The following USP25 variants were observed in gnomAD, a reference collection of about 807,000 sequenced individuals.
USP25 encodes the protein ubiquitin specific peptidase 25, also known as ubiquitin carboxyl-terminal hydrolase 25.
Under a neutral mutation model 158.5 loss-of-function variants are expected in USP25, and 85 were observed. The observed-to-expected ratio is 0.54, with a 90% confidence interval of 0.45 to 0.64. The LOEUF (loss-of-function observed/expected upper bound fraction) is 0.64. USP25 is among the 30% of genes least tolerant of loss of function. The pLI is 0.00. For synonymous variants in USP25, 464 were observed against 460.4 expected (o/e 1.01, Z -0.10); for missense variants, 1,242 against 1,327.3 (o/e 0.94, Z 1.00).
At chr21:15,809,387 A>G (rs926416885) in intron 8 of USP25, among the ~76,000 whole-genome samples, 2 of 152,120 alleles carry the variant, frequency 1.3e-5, no homozygotes, top group African/African-American at 4.8e-5. Flanking sequence ...TTTGTTGGGC[A>G]GAGCTATGTG....
At position 15,826,960 on chromosome 21, in the gene USP25, T is replaced by C. The variant is rs1245839373; in HGVS notation, c.1467-17T>C. 3 of 1,611,026 alleles carry C rather than the reference T, an allele frequency of 1.9e-6. No homozygotes were observed. In the South Asian group the frequency reaches 3.3e-5, roughly 18 times the overall value. ...AGCTTGAAAGGTTAATAAGAAATAC[T>C]CTATGCTTTGATACAGCACAACAGA... On this transcript the variant is annotated splice_polypyrimidine_tract_variant and intron_variant, in intron 13 of 25. Coordinates refer to ENST00000400183, the MANE Select transcript of USP25 (RefSeq NM_001283041.3). The surrounding 1 kb of genome is among the most constrained non-coding windows in gnomAD (Gnocchi z 4.8).
intron 1 of USP25, among the ~76,000 whole-genome samples, chr21:15,747,070 A>C (rs559787876): frequency 5.9e-5 from 9 of 152,244 alleles, no homozygotes; most frequent in African/African-American, 2.2e-4. Context: ...TTATATATTT[A>C]TGGTCCACTG....
At chr21:15,745,641 A>C (rs545973233) in intron 1 of USP25, among the ~76,000 whole-genome samples, 18 of 151,806 alleles carry the variant, frequency 1.2e-4, no homozygotes, top group Non-Finnish European at 2.4e-4. Context: ...ACGCTCAGCT[A>C]ATTTTTGTAT....
rs751158522 is a variant in USP25 at position 15,811,116 on chromosome 21, A to G, written c.858-21A>G. ...AGGTCCGAAAATTGTAATCACATTT[A>G]TATTTTTTAACATACTTTAGGGATG... On this transcript the variant is annotated intron_variant, in intron 8 of 25. Coordinates refer to ENST00000400183, the MANE Select transcript of USP25 (RefSeq NM_001283041.3). 3.8e-6 allele frequency: 6 copies of G among 1,593,560 alleles called. No individual in the cohort carries two copies. The South Asian group carries it at 5.7e-5, about 15-fold the overall frequency.
chr21:15,784,520 C>T (rs1202338182), intron 4 of USP25, among the ~76,000 whole-genome samples: 4 of 151,534 alleles, frequency 2.6e-5, no homozygotes, highest in African/African-American at 4.9e-5. Flanking sequence ...TGTGGTGAGC[C>T]GAGATCACGC....
At chr21:15,786,614 TGTACCTCAACACG>T (rs992944244) in intron 4 of USP25, among the ~76,000 whole-genome samples, 52 of 152,228 alleles carry the variant, frequency 3.4e-4, no homozygotes, top group African/African-American at 1.2e-3. Context: ...ATAGAAAGTA[TGTACCTCAACACG>T]GTAAAGACCA....
At chr21:15,864,551 C>T (rs1362031059) in intron 21 of USP25, 105 bp downstream of exon 21, 7 of 1,027,002 alleles carry the variant, frequency 6.8e-6, no homozygotes, top group Non-Finnish European at 8.1e-6. Context: ...TGCATGGGCA[C>T]ATATTTTAAT....
rs752333568 is a variant in USP25, at chr21:15,874,500, T to C, written c.2983T>C (p.Ser995Pro). ...LYRGHDEELI[S>P]HYRRECLLKL... ...CAGAGGACATGATGAAGAATTGATA[T>C]CACATTATAGAAGAGAATGTTTGCT... Residue 995 changes from serine (S) to proline (P), a missense_variant, in exon 24 of 26, where the codon TCA becomes CCA. Physicochemically the swap from Ser to Pro is moderately conservative, Grantham distance 74. This residue lies in a region of USP25 where 608 missense variants were observed against 605.2 expected (regional missense o/e 1.00). Coordinates refer to ENST00000400183, the MANE Select transcript of USP25 (RefSeq NM_001283041.3). 18 of 1,607,718 alleles carry C rather than the reference T, an allele frequency of 1.1e-5. No individual in the cohort carries two copies. The highest frequency in any genetic ancestry group is 1.7e-5 in the Admixed American group (1 of 58,088).
intron 14 of USP25, among the ~76,000 whole-genome samples, chr21:15,829,192 T>G (rs529919703): frequency 2.6e-5 from 4 of 152,294 alleles, no homozygotes; most frequent in Admixed American, 2.6e-4. Flanking sequence ...CAGGGGTACA[T>G]GTGCAGGTTT....
chr21:15,824,826 G>A (rs934307335), intron 11 of USP25, 140 bp from the exon 12 acceptor site: 1 of 626,780 alleles, frequency 1.6e-6, no homozygotes, highest in Non-Finnish European at 2.8e-6. Context: ...ATGTTGGCCA[G>A]GCTGGTCTTG....
At chr21:15,809,945 T>A (rs1381002985) in intron 8 of USP25, among the ~76,000 whole-genome samples, 1 of 152,058 alleles carries the variant, frequency 6.6e-6, no homozygotes, top group Non-Finnish European at 1.5e-5. Flanking sequence ...TCAAGAGTTA[T>A]CAAACTCTTA....
chr21:15,791,614 G>T lies in USP25; in HGVS notation c.505G>T (p.Val169Phe). Residue 169 changes from valine to phenylalanine, a missense_variant, in exon 5 of 26, where the codon GTT becomes TTT. This residue lies in a region of USP25 where 627 missense variants were observed against 701.4 expected (regional missense o/e 0.89). Coordinates refer to ENST00000400183, the MANE Select transcript of USP25 (RefSeq NM_001283041.3). ...YDRKRQDKAP[V>F]GLKNVGNTCW... ...TAGAAAAAGACAGGACAAAGCTCCC[G>T]TTGGGCTAAAGAATGTTGGCAATAC... The T allele has an allele frequency of 1.2e-6, 2 of 1,611,170 alleles. No individual in the cohort carries two copies. The highest frequency in any genetic ancestry group is 8.5e-7 in the Non-Finnish European group (1 of 1,178,144).
chr21:15,864,178 A>T, intron 20 of USP25, 90 bp from the exon 21 acceptor site: 2 of 1,294,090 alleles, frequency 1.5e-6, no homozygotes, highest in Non-Finnish European at 2.1e-6. Context: ...AAAAAGATTT[A>T]AATGCAAGAA....
At chr21:15,757,650 A>G (rs570880126) in intron 1 of USP25, among the ~76,000 whole-genome samples, 140 of 152,318 alleles carry the variant, frequency 9.2e-4, no homozygotes, top group Non-Finnish European at 1.7e-3. Context: ...CTTCTTAGGC[A>G]AGTGGGCTAC....
At chr21:15,876,763 T>C (rs933345383) in intron 24 of USP25, 3 of 152,202 alleles carry the variant, frequency 2.0e-5, no homozygotes, top group Non-Finnish European at 4.4e-5. Flanking sequence ...GGGTAATTGA[T>C]TCATGGCCAA....
At chr21:15,752,880 A>G (rs1459978967) in intron 1 of USP25, among the ~76,000 whole-genome samples, 4 of 152,214 alleles carry the variant, frequency 2.6e-5, no homozygotes, top group Non-Finnish European at 4.4e-5. Flanking sequence ...AAAGATTGAG[A>G]AAAACTTCAA....
intron 1 of USP25, among the ~76,000 whole-genome samples, chr21:15,752,557 T>C (rs1395708761): frequency 6.6e-6 from 1 of 152,182 alleles, no homozygotes; most frequent in Non-Finnish European, 1.5e-5. Context: ...GATGCAGATA[T>C]GGTTGAAAGG....
At chr21:15,847,293 A>AT (rs1216603441) in intron 18 of USP25, among the ~76,000 whole-genome samples, 1 of 152,154 alleles carries the variant, frequency 6.6e-6, no homozygotes, top group East Asian at 1.9e-4. Context: ...CAACTCCACT[A>AT]TTTTTTATCT....
In USP25 at chr21:15,847,851, A is replaced by G; in HGVS notation, c.2451+75A>G. 4 of 904,524 alleles carry G rather than the reference A, an allele frequency of 4.4e-6. No individual in the cohort carries two copies. The South Asian group carries it at 5.1e-5, about 12-fold the overall frequency. The allele number at this position is 904,524 out of a possible 1,614,324, so 56.0% of individuals were successfully genotyped here. On this transcript the variant is annotated intron_variant, in intron 19 of 25. Coordinates refer to ENST00000400183, the MANE Select transcript of USP25 (RefSeq NM_001283041.3). ...ATACAAATACTTTGGGCATGCCTGC[A>G]CCCTCATACTTAATGTCTATTGCCA...
Sources: allele counts gnomAD v4.1 joint callset (sites outside exome capture counted in the v4.1 genomes callset), GRCh38; gene constraint gnomAD v4.1.1; regional missense constraint gnomAD v4.1.1; non-coding constraint Gnocchi (gnomAD v3.1); transcripts MANE v1.5; gene names NCBI Gene and HGNC (gene_info 2026-07-23, HGNC 2026-07-21).